ASXL3: variants seen among roughly 807,000 people sequenced by gnomAD.
The protein encoded by ASXL3 is ASXL transcriptional regulator 3, also known as putative Polycomb group protein ASXL3.
A neutral mutation model predicts 170.6 loss-of-function variants in ASXL3; 34 were observed. That is an observed-to-expected ratio of 0.20 (90% confidence interval 0.15 to 0.27). The LOEUF (loss-of-function observed/expected upper bound fraction) is 0.27. Among genes scored for constraint, ASXL3 ranks in the 10% least tolerant of loss-of-function variants. ASXL3 has a pLI of 1.00. For synonymous variants in ASXL3, 1,002 were observed against 989.1 expected (o/e 1.01, Z -0.24); for missense variants, 2,592 against 2,695.3 (o/e 0.96, Z 0.85).
chr18:33,691,715 G>A (rs1357743154), intron 8 of ASXL3, among the ~76,000 whole-genome samples: 1 of 152,128 alleles, frequency 6.6e-6, no homozygotes, highest in Non-Finnish European at 1.5e-5. Context: ...CATGCTATGG[G>A]AACATAGAGG....
chr18:33,681,701 CATT>C (rs1305432729), intron 7 of ASXL3, among the ~76,000 whole-genome samples: 1 of 151,650 alleles, frequency 6.6e-6, no homozygotes, highest in East Asian at 1.9e-4. Context: ...GAACTTTAAT[CATT>C]ATTTCAGTTC....
chr18:33,678,169 C>T (rs916871999), intron 7 of ASXL3, among the ~76,000 whole-genome samples: 2 of 152,072 alleles, frequency 1.3e-5, no homozygotes, highest in South Asian at 2.1e-4. Flanking sequence ...CTCAAACAAT[C>T]CTCCCACCTC....
At chr18:33,639,079 T>C (rs763390484) in intron 2 of ASXL3, among the ~76,000 whole-genome samples, 1 of 152,168 alleles carries the variant, frequency 6.6e-6, no homozygotes, top group Non-Finnish European at 1.5e-5. Flanking sequence ...TTTCTTTCCA[T>C]TTGTCATTCT....
At chr18:33,617,467 G>T (rs1156731738) in intron 2 of ASXL3, among the ~76,000 whole-genome samples, 3 of 152,250 alleles carry the variant, frequency 2.0e-5, no homozygotes, top group East Asian at 1.9e-4. Flanking sequence ...CTCCAGCCTG[G>T]ACAACAGAGT....
At chr18:33,618,521 A>G (rs2065463582) in intron 2 of ASXL3, among the ~76,000 whole-genome samples, 1 of 152,164 alleles carries the variant, frequency 6.6e-6, no homozygotes, top group Non-Finnish European at 1.5e-5. Flanking sequence ...AGTTAATTAA[A>G]TACCTACTAA....
At chr18:33,684,891 G>T (rs1448885743) in intron 8 of ASXL3, among the ~76,000 whole-genome samples, 1 of 152,120 alleles carries the variant, frequency 6.6e-6, no homozygotes, top group Admixed American at 6.5e-5. Flanking sequence ...TGAATAAAAT[G>T]AATGGAAAAG....
intron 8 of ASXL3, among the ~76,000 whole-genome samples, chr18:33,713,108 G>A (rs2067095758): frequency 6.6e-6 from 1 of 151,894 alleles, no homozygotes; most frequent in Non-Finnish European, 1.5e-5. Flanking sequence ...GGGAGTCTGG[G>A]AAAGATCATC....
intron 2 of ASXL3, chr18:33,641,673 G>A (rs1446357068): frequency 1.3e-5 from 2 of 152,210 alleles, no homozygotes; most frequent in African/African-American, 2.4e-5. Flanking sequence ...TTTGGCTTTG[G>A]TGGGTTTCCT....
In ASXL3 at chr18:33,745,610, C is replaced by G. The variant is rs1220860387; in HGVS notation, c.5762C>G (p.Thr1921Ser). Residue 1921 changes from threonine (T) to serine (S), a missense_variant, in exon 12 of 12, where the codon ACT becomes AGT. Thr to Ser is a moderately conservative substitution (Grantham distance 58). This residue lies in a region of ASXL3 where 2,246 missense variants were observed against 2,219.6 expected (regional missense o/e 1.01). Coordinates refer to ENST00000269197, the MANE Select transcript of ASXL3 (RefSeq NM_030632.3). Reference protein sequence around the residue: ...FHVDKNGGFHTDAGTSHRQQF... With the variant: ...FHVDKNGGFHSDAGTSHRQQF... ...GTTGACAAGAATGGCGGCTTCCACACTGACGCTGGTACCTCACACAGACAG... is the reference window on the plus strand; with the variant it reads ...GTTGACAAGAATGGCGGCTTCCACAGTGACGCTGGTACCTCACACAGACAG... 3 of 1,614,000 alleles carry G rather than the reference C, an allele frequency of 1.9e-6. No individual in the cohort carries two copies. Among genetic ancestry groups the G allele is most frequent in the Admixed American group, 3.3e-5 (2 of 60,026 alleles).
chr18:33,627,068 C>T (rs1375732198), intron 2 of ASXL3: 1 of 152,570 alleles, frequency 6.6e-6, no homozygotes. Context: ...TCATTCCTTC[C>T]GGGTAGGTAC....
At chr18:33,704,099 T>G (rs921532755) in intron 8 of ASXL3, among the ~76,000 whole-genome samples, 4 of 152,178 alleles carry the variant, frequency 2.6e-5, no homozygotes, top group African/African-American at 9.6e-5. Flanking sequence ...AGTGACATAT[T>G]AGTAGTGTAT....
Position 33,689,063 on chromosome 18 carries a change from C to T in ASXL3, c.879+5495C>T, listed in dbSNP as rs149770016. Among the ~76,000 whole-genome samples the T allele has an allele frequency of 3.3e-3, 504 of 151,888 alleles. 4 individuals carry two copies. Among genetic ancestry groups the T allele is most frequent in the African/African-American group, 0.011 (472 of 41,430 alleles). On this transcript the variant is annotated intron_variant, in intron 8 of 11. Transcript: ENST00000269197. Reference sequence around the variant, plus strand: ...GGCTGGAGTGCAGTGGCGTGATCTCCGCTCACAGCAACATCCGCCTCCCGG... The same window carrying T: ...GGCTGGAGTGCAGTGGCGTGATCTCTGCTCACAGCAACATCCGCCTCCCGG...
chr18:33,703,885 A>G (rs2066918763), intron 8 of ASXL3, among the ~76,000 whole-genome samples: 1 of 152,116 alleles, frequency 6.6e-6, no homozygotes, highest in African/African-American at 2.4e-5. Context: ...TTTTAAAAAT[A>G]TTTTTTACCA....
chr18:33,595,836 C>G (rs1384129323), intron 1 of ASXL3, among the ~76,000 whole-genome samples: 2 of 152,136 alleles, frequency 1.3e-5, no homozygotes, highest in Non-Finnish European at 2.9e-5. Context: ...TCCAGCCATC[C>G]CTCCTTCCCA....
chr18:33,742,806 C>T lies in ASXL3; in HGVS notation c.3040-82C>T, dbSNP rs2067686460. 3 of 1,469,740 alleles carry T rather than the reference C, an allele frequency of 2.0e-6. No homozygotes were observed. The South Asian group carries it at 4.4e-5, about 22-fold the overall frequency. The allele number at this position is 1,469,740 out of a possible 1,614,324, so 91.0% of individuals were successfully genotyped here. Reference sequence around the variant, plus strand: ...TAGGAGAGAATGCAGCTAGTCTTTTCCCTTGCATTATCACATTCTACGTGC... The same window carrying T: ...TAGGAGAGAATGCAGCTAGTCTTTTTCCTTGCATTATCACATTCTACGTGC... On this transcript the variant is annotated intron_variant, in intron 11 of 11. Coordinates refer to ENST00000269197, the MANE Select transcript of ASXL3 (RefSeq NM_030632.3).
At chr18:33,679,558 A>T (rs896855715) in intron 7 of ASXL3, among the ~76,000 whole-genome samples, 1 of 152,116 alleles carries the variant, frequency 6.6e-6, no homozygotes, top group African/African-American at 2.4e-5. Flanking sequence ...AAATATGTGT[A>T]TAATGAAATA....
rs375810679 is a variant in ASXL3 at position 33,713,347 on chromosome 18, C to CT, written c.880-18621_880-18620insT. ...TTGGCTCACTGCAACCTCCACCCCC[C>CT]CCCGGGTTCAAGTGATTCTCCTGCC... On this transcript the variant is annotated intron_variant, in intron 8 of 11. Transcript: ENST00000269197. 3.6e-3 allele frequency among the ~76,000 whole-genome samples: 504 copies of CT among 141,788 alleles called. 23 individuals are homozygous for CT. Among genetic ancestry groups the CT allele is most frequent in the African/African-American group, 0.012 (452 of 38,084 alleles). 93.0% of individuals were successfully genotyped at this position (141,788 alleles called of 152,430 possible).
chr18:33,603,177 T>C (rs2065203158), intron 1 of ASXL3, among the ~76,000 whole-genome samples: 3 of 152,106 alleles, frequency 2.0e-5, no homozygotes, highest in Admixed American at 2.0e-4. Flanking sequence ...TTTTAACCTT[T>C]AAATGAACAC....
At position 33,739,344 on chromosome 18, in the gene ASXL3, C is replaced by G; in HGVS notation, c.1940C>G (p.Thr647Arg). ...TCATGTACTCCAGCCTCCCTTGAGA[C>G]AACATTTTGTTCTGAGGTATCTAGC... ...EESCTPASLE[T>R]TFCSEVSSTE... The change falls in exon 11 of 12, where the codon ACA (threonine) becomes AGA (arginine). Residue 647 changes from threonine (T) to arginine (R), a missense_variant. Around this residue, in one of 4 missense-constraint regions of ASXL3, gnomAD observed 2,246 missense variants for 2,219.6 expected, o/e 1.01. Transcript: ENST00000269197. The G allele has an allele frequency of 6.2e-7, 1 of 1,613,600 alleles. No individual in the cohort carries two copies.
Sources: allele counts gnomAD v4.1 joint callset (sites outside exome capture counted in the v4.1 genomes callset), GRCh38; gene constraint gnomAD v4.1.1; regional missense constraint gnomAD v4.1.1; transcripts MANE v1.5; gene names NCBI Gene and HGNC (gene_info 2026-07-23, HGNC 2026-07-21).